CYP4F12: variants seen among roughly 807,000 people sequenced by gnomAD.
CYP4F12 encodes the protein cytochrome P450 family 4 subfamily F member 12, also known as cytochrome P450 4F12.
CYP4F12 carries 60 observed loss-of-function variants against 56.5 expected under a neutral mutation model. The observed-to-expected ratio is 1.06, with a 90% CI of 0.86 to 1.32. CYP4F12 has a LOEUF of 1.32. Among genes scored for constraint, CYP4F12 ranks in the 40% most tolerant of loss-of-function variants. CYP4F12 has a pLI of 0.00. For missense variants in CYP4F12, 711 were observed against 683.5 expected (o/e 1.04, Z -0.45); for synonymous variants, 263 against 264.9 (o/e 0.99, Z 0.07).
chr19:15,686,848 A>T (rs953253800), intron 9 of CYP4F12, among the ~76,000 whole-genome samples: 5 of 152,210 alleles, frequency 3.3e-5, no homozygotes, highest in Non-Finnish European at 5.9e-5. Context: ...TGGACTGGAC[A>T]TGTGTTTTGG....
At chr19:15,687,938 CT>C (rs2007697193) in intron 9 of CYP4F12, among the ~76,000 whole-genome samples, 1 of 152,150 alleles carries the variant, frequency 6.6e-6, no homozygotes, top group African/African-American at 2.4e-5. Context: ...AAATGAATTT[CT>C]TGATATAACC....
At chr19:15,686,443 T>G (rs1200175127) in intron 9 of CYP4F12, among the ~76,000 whole-genome samples, 1 of 147,476 alleles carries the variant, frequency 6.8e-6, no homozygotes, top group Non-Finnish European at 1.5e-5. Context: ...GAAAGAGAGG[T>G]TTGTGTGTCA....
chr19:15,682,531 T>A (rs370951879), intron 6 of CYP4F12, 21 bp downstream of exon 6: 17 of 1,611,554 alleles, frequency 1.1e-5, no homozygotes, highest in Non-Finnish European at 1.4e-5. Flanking sequence ...TCCTAGGGCC[T>A]GGGATATGAA....
intron 9 of CYP4F12, among the ~76,000 whole-genome samples, chr19:15,689,953 G>A (rs1230634247): frequency 2.0e-5 from 3 of 152,198 alleles, no homozygotes; most frequent in Admixed American, 2.0e-4. Flanking sequence ...GACTCGGAGA[G>A]CAAGGTTGGG....
rs955961451 is a variant in CYP4F12, at chr19:15,673,382, C to G, written c.-1-147C>G. The G allele has an allele frequency of 1.9e-5, 17 of 872,540 alleles. No individual in the cohort carries two copies. The African/African-American group carries it at 2.5e-4, about 13-fold the overall frequency. The allele number at this position is 872,540 out of a possible 1,614,324, so 54.0% of individuals were successfully genotyped here. A position where few individuals can be genotyped will look rare whatever the true frequency, so the allele number is the denominator to read the frequency against. ...AGTTGTTGGTTTTGGTTGGGACTTT[C>G]TGGACTTCAGATCTCAGCCCTCGTT... On this transcript the variant is annotated intron_variant, in intron 1 of 12. Transcript: ENST00000550308.
chr19:15,692,626 A>C (rs188745072), intron 9 of CYP4F12, among the ~76,000 whole-genome samples: 53 of 152,318 alleles, frequency 3.5e-4, no homozygotes, highest in African/African-American at 1.2e-3. Context: ...ATCTTATGAC[A>C]AGATAATGTT....
chr19:15,677,594 T>C (rs1392043924), intron 2 of CYP4F12, among the ~76,000 whole-genome samples: 188 of 6,124 alleles, frequency 0.031, 68 homozygotes, highest in East Asian at 0.17. Flanking sequence ...ATTCCTCTCC[T>C]CACTCACTCG....
chr19:15,679,834 T>C (rs1417774839), intron 3 of CYP4F12, among the ~76,000 whole-genome samples: 1 of 152,206 alleles, frequency 6.6e-6, no homozygotes, highest in Non-Finnish European at 1.5e-5. Context: ...ATTTAAACCC[T>C]ATCTGGGGCC....
chr19:15,696,831 C>T (rs1318217162), intron 12 of CYP4F12, 77 bp from the exon 13 acceptor site: 10 of 1,505,368 alleles, frequency 6.6e-6, no homozygotes, highest in Non-Finnish European at 8.9e-6. Context: ...AGTTGGGGGT[C>T]CCAGGCCAGG....
At chr19:15,693,214 T>C (rs2007957525) in intron 9 of CYP4F12, among the ~76,000 whole-genome samples, 1 of 152,140 alleles carries the variant, frequency 6.6e-6, no homozygotes, top group Non-Finnish European at 1.5e-5. Context: ...GAGAAGTAAA[T>C]GGCATTGGGC....
At chr19:15,681,639 CA>C (rs1367556332) in intron 5 of CYP4F12, 1 of 152,194 alleles carries the variant, frequency 6.6e-6, no homozygotes, top group Non-Finnish European at 1.5e-5. Flanking sequence ...GTGGCAGAAA[CA>C]AGCCTGATAT....
intron 2 of CYP4F12, among the ~76,000 whole-genome samples, chr19:15,676,175 G>A (rs2006909502): frequency 6.6e-6 from 1 of 152,078 alleles, no homozygotes; most frequent in African/African-American, 2.4e-5. Flanking sequence ...GCGTCTCAGG[G>A]TGGGTGGACT....
At chr19:15,696,553 G>A in intron 12 of CYP4F12, 41 bp downstream of exon 12, 1 of 1,581,302 alleles carries the variant, frequency 6.3e-7, no homozygotes, top group Middle Eastern at 1.8e-4. Flanking sequence ...GGGATGATGG[G>A]TGCGGGAGTT....
intron 5 of CYP4F12, 43 bp from the exon 6 acceptor site, chr19:15,682,346 G>A (rs765737312): frequency 1.1e-5 from 18 of 1,606,122 alleles, no homozygotes; most frequent in Non-Finnish European, 1.5e-5. Flanking sequence ...GGGGCACAAA[G>A]GAGGCAGGGC....
At chr19:15,680,360 C>T in intron 4 of CYP4F12, 32 bp from the exon 5 acceptor site, 1 of 1,613,936 alleles carries the variant, frequency 6.2e-7, no homozygotes, top group Non-Finnish European at 8.5e-7. Context: ...GGAAGTGCTG[C>T]TCTTGCCCAC....
Position 15,685,072 on chromosome 19 carries a change from T to A in CYP4F12, c.990T>A (p.His330Gln), listed in dbSNP as rs1378577704. 1 of 1,613,778 alleles carries A rather than the reference T, an allele frequency of 6.2e-7. No individual in the cohort carries two copies. Among genetic ancestry groups the A allele is most frequent in the East Asian group, 2.2e-5 (1 of 44,876 alleles). The change falls in exon 9 of 13, where the codon CAT becomes CAA. Residue 330 changes from histidine (H) to glutamine (Q), a missense_variant. Coordinates refer to ENST00000550308, the MANE Select transcript of CYP4F12 (RefSeq NM_023944.4). ...GCTTACCTGGCTGCTCCTCAGGCCA[T>A]GACACCACGGCCAGTGGCCTCTCCT... Reference protein sequence around the residue: ...AEADTFMFGGHDTTASGLSWV... With the variant: ...AEADTFMFGGQDTTASGLSWV...
chr19:15,686,253 T>C (rs1261312196), intron 9 of CYP4F12, among the ~76,000 whole-genome samples: 2 of 152,050 alleles, frequency 1.3e-5, no homozygotes, highest in Non-Finnish European at 2.9e-5. Context: ...AGGTTTAAGA[T>C]CAACCTGGGC....
chr19:15,684,938 C>G, intron 8 of CYP4F12, 56 bp downstream of exon 8: 1 of 1,569,450 alleles, frequency 6.4e-7, no homozygotes, highest in Non-Finnish European at 8.7e-7. Context: ...ATCTCAGGAT[C>G]CGGGTGGGTG....
At chr19:15,679,445 A>T (rs2007161572) in intron 3 of CYP4F12, among the ~76,000 whole-genome samples, 1 of 149,022 alleles carries the variant, frequency 6.7e-6, no homozygotes, top group Non-Finnish European at 1.5e-5. Flanking sequence ...CTTGTCCGAA[A>T]GCTCACCTTA....
Sources: gnomAD v4.1 joint callset for allele counts (sites outside exome capture counted in the v4.1 genomes callset) on GRCh38, gnomAD v4.1.1 for gene constraint, MANE v1.5 for transcripts, NCBI Gene and HGNC (gene_info 2026-07-23, HGNC 2026-07-21) for gene names.